CMYA5: variants seen among roughly 807,000 people sequenced by gnomAD.
CMYA5 encodes cardiomyopathy-associated protein 5.
In CMYA5, 246 loss-of-function variants were observed where a neutral mutation model predicts 318.9. The ratio of observed to expected loss-of-function variants is 0.77; its 90% confidence interval spans 0.70 to 0.86. The LOEUF is 0.86. CMYA5 is among the 40% of genes least tolerant of loss of function. CMYA5 has a pLI of 0.00. For synonymous variants in CMYA5, 1,641 were observed against 1,729.5 expected, an observed-to-expected ratio of 0.95 and a Z score of 1.27; for missense variants, 4,589 against 4,678.2, an observed-to-expected ratio of 0.98 and a Z score of 0.56.
intron 6 of CMYA5, 117 bp from the exon 7 acceptor site, chr5:79,758,636 A>T: frequency 1.5e-6 from 1 of 672,412 alleles, no homozygotes. Flanking sequence ...GAGCCCTTCT[A>T]CTTTTATACT....
intron 1 of CMYA5, among the ~76,000 whole-genome samples, chr5:79,698,279 A>T (rs1479830975): frequency 6.6e-6 from 1 of 151,130 alleles, no homozygotes; most frequent in African/African-American, 2.5e-5. Context: ...TTTGGGCATA[A>T]ATCAGGTTAC....
intron 9 of CMYA5, among the ~76,000 whole-genome samples, chr5:79,766,291 C>T (rs1477459793): frequency 7.2e-5 from 11 of 152,160 alleles, no homozygotes; most frequent in Non-Finnish European, 1.6e-4. Flanking sequence ...TTAGTAGAGA[C>T]GGGGTTTCAC....
chr5:79,778,828 T>C (rs1828995474), intron 9 of CMYA5, among the ~76,000 whole-genome samples: 1 of 120,250 alleles, frequency 8.3e-6, no homozygotes, highest in Non-Finnish European at 1.6e-5. Flanking sequence ...TGTGTGTGTG[T>C]GTGTGTGTAT....
Position 79,737,676 on chromosome 5 carries a change from GAACA to G in CMYA5, c.8914_8917del (p.Gln2972CysfsTer5), listed in dbSNP as rs1283517607. The G allele has an allele frequency of 6.2e-7, 1 of 1,612,914 alleles. No individual in the cohort carries two copies. Among genetic ancestry groups the G allele is most frequent in the Admixed American group, 1.7e-5 (1 of 59,814 alleles). ...TTCTTCAATCGATCAGGAAGAAAGT[GAACA>G]AATGCAAGATAAATTAGAATATTTG... On this transcript the variant is annotated frameshift_variant, in exon 2 of 13. Coordinates refer to ENST00000446378, the MANE Select transcript of CMYA5 (RefSeq NM_153610.5). LOFTEE classifies it high-confidence loss of function.
At chr5:79,719,001 A>G (rs970168138) in intron 1 of CMYA5, among the ~76,000 whole-genome samples, 1 of 152,184 alleles carries the variant, frequency 6.6e-6, no homozygotes, top group African/African-American at 2.4e-5. Flanking sequence ...CTAATGATGC[A>G]TTTCTCAGAA....
intron 3 of CMYA5, among the ~76,000 whole-genome samples, chr5:79,744,132 C>A (rs1418576691): frequency 6.6e-6 from 1 of 152,182 alleles, no homozygotes; most frequent in African/African-American, 2.4e-5. Flanking sequence ...AAAAGATTTG[C>A]CGGTAACGAC....
At chr5:79,721,018 A>G (rs1827614923) in intron 1 of CMYA5, among the ~76,000 whole-genome samples, 1 of 152,200 alleles carries the variant, frequency 6.6e-6, no homozygotes, top group African/African-American at 2.4e-5. Flanking sequence ...AAGGACGTGT[A>G]AGTTGAAGTT....
At chr5:79,758,645 C>A in intron 6 of CMYA5, 108 bp from the exon 7 acceptor site, 1 of 783,826 alleles carries the variant, frequency 1.3e-6, no homozygotes, top group Admixed American at 4.0e-5. Context: ...TACTTTTATA[C>A]TATGTATTTC....
At chr5:79,716,805 A>T (rs895968461) in intron 1 of CMYA5, among the ~76,000 whole-genome samples, 1 of 152,246 alleles carries the variant, frequency 6.6e-6, no homozygotes, top group African/African-American at 2.4e-5. Context: ...AGCTACTTTC[A>T]GTAGCAACAT....
chr5:79,730,723 T>C lies in CMYA5; in HGVS notation c.1958T>C (p.Leu653Pro). The C allele has an allele frequency of 6.2e-7, 1 of 1,613,888 alleles. No individual in the cohort carries two copies. The highest frequency in any genetic ancestry group is 8.5e-7 in the Non-Finnish European group (1 of 1,179,854). ...GCAGCCCCTACATCTGAGAGCTCTCTCTCACCATCCACAACTGAGAAGACT... is the reference window on the plus strand; with the variant it reads ...GCAGCCCCTACATCTGAGAGCTCTCCCTCACCATCCACAACTGAGAAGACT... The part of the protein sequence containing the change: ...PAAAPTSESS[L>P]SPSTTEKTSE... Residue 653 changes from leucine to proline, a missense_variant, in exon 2 of 13, where the codon CTC becomes CCC. Physicochemically the swap from Leu to Pro is moderately conservative, Grantham distance 98. Coordinates refer to ENST00000446378, the MANE Select transcript of CMYA5 (RefSeq NM_153610.5).
In CMYA5 at chr5:79,729,098, G is replaced by A; in HGVS notation, c.333G>A (p.Gly111=). Residue 111 remains glycine, a synonymous_variant, in exon 2 of 13, where the codon GGG becomes GGA. Transcript: ENST00000446378. ...SQTSGVCSRE[G]STVNSPPGNV... ...CTTCTGGTGTGTGTAGTCGGGAAGG[G>A]TCAACTGTGAATTCTCCTCCTGGAA... 6.2e-7 allele frequency: 1 copy of A among 1,613,666 alleles called. No individual in the cohort carries two copies. Among genetic ancestry groups the A allele is most frequent in the Non-Finnish European group, 8.5e-7 (1 of 1,179,786 alleles).
At chr5:79,709,677 G>T (rs1827344763) in intron 1 of CMYA5, among the ~76,000 whole-genome samples, 1 of 151,462 alleles carries the variant, frequency 6.6e-6, no homozygotes, top group East Asian at 1.9e-4. Flanking sequence ...GAAAATATCA[G>T]CTGGGCGTGG....
intron 12 of CMYA5, among the ~76,000 whole-genome samples, chr5:79,796,324 A>ATT (rs34069132): frequency 6.7e-6 from 1 of 149,496 alleles, no homozygotes. Flanking sequence ...TTTAACTTTA[A>ATT]TTTTTTTTTT....
Position 79,731,320 on chromosome 5 carries a change from C to T in CMYA5, c.2555C>T (p.Ser852Phe). ...TCTTCCCCAGATTTGGTTGTTGCAT[C>T]TGAACACTCTTTCCCACCACACACA... is the stretch of plus-strand genomic sequence containing the variant. ...GPSSPDLVVASEHSFPPHTTE... is the reference protein window; with the variant it reads ...GPSSPDLVVAFEHSFPPHTTE... Residue 852 changes from serine (S) to phenylalanine (F), a missense_variant, in exon 2 of 13, where the codon TCT becomes TTT. Around this residue, in one of 3 missense-constraint regions of CMYA5, gnomAD observed 2,132 missense variants for 2,131.3 expected, o/e 1.00. Transcript: ENST00000446378. The T allele has an allele frequency of 6.2e-7, 1 of 1,613,822 alleles. No individual in the cohort carries two copies. The highest frequency in any genetic ancestry group is 8.5e-7 in the Non-Finnish European group (1 of 1,179,846).
Position 79,729,421 on chromosome 5 carries a change from C to A in CMYA5, c.656C>A (p.Pro219Gln). The change falls in exon 2 of 13, where the codon CCA (proline) becomes CAA (glutamine). Residue 219 changes from proline to glutamine, a missense_variant. Coordinates refer to ENST00000446378, the MANE Select transcript of CMYA5 (RefSeq NM_153610.5). ...GAACACAAGCCATTAGTGTTAAGAC[C>A]AGTCTACATAGGAACAGTACAATAT... is the stretch of plus-strand genomic sequence containing the variant. ...YKEHKPLVLR[P>Q]VYIGTVQYKI... The A allele has an allele frequency of 6.2e-7, 1 of 1,613,650 alleles. No homozygotes were observed. Among genetic ancestry groups the A allele is most frequent in the East Asian group, 2.2e-5 (1 of 44,876 alleles).
intron 9 of CMYA5, among the ~76,000 whole-genome samples, chr5:79,776,294 TTC>T (rs1828938198): frequency 6.6e-6 from 1 of 152,200 alleles, no homozygotes; most frequent in Non-Finnish European, 1.5e-5. Context: ...AGAAAAATAG[TTC>T]TGTTCAAAAA....
Position 79,735,797 on chromosome 5 carries a change from A to T in CMYA5, c.7032A>T (p.Lys2344Asn). Residue 2344 changes from lysine to asparagine, a missense_variant, in exon 2 of 13, where the codon AAA becomes AAT. This residue lies in a region of CMYA5 where 2,431 missense variants were observed against 2,495.1 expected (regional missense o/e 0.97). Coordinates refer to ENST00000446378, the MANE Select transcript of CMYA5 (RefSeq NM_153610.5). ...TIVPPHVTDS[K>N]RVQKPAIAPP... is the part of the protein sequence containing the mutation. The stretch of plus-strand genomic sequence containing the variant: ...TTCCTCCTCATGTTACTGATAGTAA[A>T]AGAGTCCAGAAGCCAGCAATCGCTC... 6.4e-7 allele frequency: 1 copy of T among 1,551,436 alleles called. No homozygotes were observed. Among genetic ancestry groups the T allele is most frequent in the Non-Finnish European group, 8.6e-7 (1 of 1,157,632 alleles).
At chr5:79,786,584 A>G (rs1829085534) in intron 9 of CMYA5, among the ~76,000 whole-genome samples, 2 of 152,180 alleles carry the variant, frequency 1.3e-5, no homozygotes, top group South Asian at 4.1e-4. Context: ...AGTCATATGG[A>G]CTTAGTTACA....
chr5:79,787,375 A>T (rs879798076), intron 9 of CMYA5, among the ~76,000 whole-genome samples: 10 of 152,374 alleles, frequency 6.6e-5, no homozygotes, highest in Middle Eastern at 3.4e-3. Flanking sequence ...GTTACTAATT[A>T]TAATTAATGT....
Sources: allele counts gnomAD v4.1 joint callset (sites outside exome capture counted in the v4.1 genomes callset), GRCh38; gene constraint gnomAD v4.1.1; regional missense constraint gnomAD v4.1.1; transcripts MANE v1.5; gene names NCBI Gene and HGNC (gene_info 2026-07-23, HGNC 2026-07-21).